Variants in RIPOR3 observed in about 807,000 individuals in gnomAD.
The protein encoded by RIPOR3 is RIPOR family member 3, also known as family with sequence similarity 65 member C.
Under a neutral mutation model 114.3 loss-of-function variants are expected in RIPOR3, and 95 were observed. That is an observed-to-expected ratio of 0.83 (90% CI 0.70 to 0.99). The LOEUF (loss-of-function observed/expected upper bound fraction) is 0.99. RIPOR3 is among the 50% of genes least tolerant of loss of function. The pLI is 0.00. For synonymous variants in RIPOR3, 575 were observed against 543.8 expected (o/e 1.06, Z -0.80); for missense variants, 1,252 against 1,266.9 (o/e 0.99, Z 0.18).
At position 50,681,405 on chromosome 20, in the gene RIPOR3, C is replaced by G. The variant is rs184010644; in HGVS notation, c.3+9721G>C. On this transcript the variant is annotated intron_variant, in intron 1 of 21. Coordinates refer to ENST00000327979, the MANE Select transcript of RIPOR3 (RefSeq NM_001290268.2). ...GGTGGTAGGGGATCCAGGGTTTGAA[C>G]CCAAGTCTGTAGGACTGAGGAGTTT... 2.0e-5 allele frequency among the ~76,000 whole-genome samples: 3 copies of G among 152,142 alleles called. No homozygotes were observed. The East Asian group carries it at 5.8e-4, about 29-fold the overall frequency.
chr20:50,631,330 T>C (rs959976148), intron 1 of RIPOR3, among the ~76,000 whole-genome samples: 1 of 152,138 alleles, frequency 6.6e-6, no homozygotes, highest in Non-Finnish European at 1.5e-5. Context: ...GCTGGAGTTA[T>C]GGGGGTCCCA....
chr20:50,597,633 A>C lies in RIPOR3; in HGVS notation c.1737T>G (p.Asn579Lys), dbSNP rs1262971236. The C allele has an allele frequency of 1.2e-6, 2 of 1,612,376 alleles. No homozygotes were observed. The highest frequency in any genetic ancestry group is 2.2e-5 in the South Asian group (2 of 90,662). Residue 579 changes from asparagine to lysine, a missense_variant, in exon 14 of 22, where the codon AAT (asparagine) becomes AAG (lysine). By Grantham distance (94) the Asn-to-Lys change is moderately conservative. Transcript: ENST00000327979. The stretch of plus-strand genomic sequence containing the variant: ...ACAGCTCATCCAGGGCGAAGTCGGC[A>C]TTGAGGAAGGCGAAGCTCTCCAGGA... ...ECILESFAFL[N>K]ADFALDELSL... is the part of the protein sequence containing the mutation.
rs34994340 is a variant in RIPOR3 at position 50,643,124 on chromosome 20, C to CTT, written c.4-12270_4-12269dup. 3.7e-4 allele frequency among the ~76,000 whole-genome samples: 52 copies of CTT among 139,444 alleles called. 1 individual carries two copies. Among genetic ancestry groups the CTT allele is most frequent in the African/African-American group, 6.5e-4 (25 of 38,174 alleles). 91.5% of individuals were successfully genotyped at this position (139,444 alleles called of 152,430 possible). On this transcript the variant is annotated intron_variant, in intron 1 of 21. Coordinates refer to ENST00000327979, the MANE Select transcript of RIPOR3 (RefSeq NM_001290268.2). ...GTGGCTCAAGCCTGTAATCTCAGCA[C>CTT]TTTTTTTTTTTTTTTTGAGATGGAG...
At chr20:50,690,639 G>A (rs2087180113) in intron 1 of RIPOR3, among the ~76,000 whole-genome samples, 1 of 152,140 alleles carries the variant, frequency 6.6e-6, no homozygotes, top group Admixed American at 6.5e-5. Flanking sequence ...GCCAAAGCAA[G>A]TCAGAAAAAC....
chr20:50,688,014 C>T (rs1365447389), intron 1 of RIPOR3, among the ~76,000 whole-genome samples: 1 of 151,642 alleles, frequency 6.6e-6, no homozygotes, highest in Non-Finnish European at 1.5e-5. Context: ...TCATTTCACT[C>T]ACAGGTAGCA....
At chr20:50,610,986 C>T (rs2083956155) in intron 5 of RIPOR3, 80 bp from the exon 6 acceptor site, 1 of 1,060,930 alleles carries the variant, frequency 9.4e-7, no homozygotes, top group Non-Finnish European at 1.3e-6. Flanking sequence ...CACCCTCCTA[C>T]AGGTCCTAAC....
intron 15 of RIPOR3, 122 bp from the exon 16 acceptor site, chr20:50,595,626 G>GTCA: frequency 7.4e-7 from 1 of 1,342,444 alleles, no homozygotes; most frequent in Non-Finnish European, 1.0e-6. Context: ...CTCCCTGACT[G>GTCA]TCATTTGGGG....
At chr20:50,686,520 G>A (rs538257485) in intron 1 of RIPOR3, among the ~76,000 whole-genome samples, 214 of 152,066 alleles carry the variant, frequency 1.4e-3, no homozygotes, top group Non-Finnish European at 1.2e-3. Flanking sequence ...AGGCCTACGC[G>A]GGTAGATCAC....
Position 50,610,869 on chromosome 20 carries a change from T to G in RIPOR3, c.410A>C (p.Glu137Ala). Residue 137 changes from glutamate to alanine, a missense_variant, in exon 6 of 22, where the codon GAG (glutamate) becomes GCG (alanine). Coordinates refer to ENST00000327979, the MANE Select transcript of RIPOR3 (RefSeq NM_001290268.2). ...CCAGCTGACCTTGCTGATGTGAAAC[T>G]CCATCTTCCGAATGTGCCTTTCCAC... is the stretch of plus-strand genomic sequence containing the variant. ...RCVERHIRKM[E>A]FHISKVDELY... The G allele has an allele frequency of 6.2e-7, 1 of 1,614,146 alleles. No individual in the cohort carries two copies.
At chr20:50,590,065 A>C (rs2083061598) in intron 19 of RIPOR3, 1 of 318,496 alleles carries the variant, frequency 3.1e-6, no homozygotes, top group Non-Finnish European at 6.2e-6. Context: ...TAAAATGCTG[A>C]ATCAGAGAAA....
chr20:50,598,020 C>T (rs920072512), intron 13 of RIPOR3, among the ~76,000 whole-genome samples: 1 of 152,200 alleles, frequency 6.6e-6, no homozygotes, highest in Admixed American at 6.5e-5. Flanking sequence ...AGTGAGCTGC[C>T]CCAGCGGGGA....
chr20:50,596,050 A>G (rs1450552801), intron 15 of RIPOR3, 90 bp downstream of exon 15: 10 of 1,566,950 alleles, frequency 6.4e-6, no homozygotes, highest in Non-Finnish European at 8.7e-6. Flanking sequence ...TCACCCCTTC[A>G]TGCTTCCCAC....
chr20:50,663,787 C>CA (rs1424466822), intron 1 of RIPOR3, among the ~76,000 whole-genome samples: 1 of 152,222 alleles, frequency 6.6e-6, no homozygotes, highest in Non-Finnish European at 1.5e-5. Flanking sequence ...CCATCCAAGA[C>CA]AACCCTGATC....
chr20:50,690,164 C>A (rs926895775), intron 1 of RIPOR3, among the ~76,000 whole-genome samples: 5 of 152,248 alleles, frequency 3.3e-5, no homozygotes, highest in African/African-American at 1.2e-4. Flanking sequence ...ATGCGTTTCA[C>A]AATTCTGTTT....
chr20:50,644,863 G>C (rs2085348248), intron 1 of RIPOR3, among the ~76,000 whole-genome samples: 1 of 145,560 alleles, frequency 6.9e-6, no homozygotes, highest in Non-Finnish European at 1.5e-5. Flanking sequence ...TTTTGAGACG[G>C]AGTTTCGCTC....
rs2122896447 is a variant in RIPOR3 at position 50,594,977 on chromosome 20, CCTT to C, written c.2051-266_2051-264del. 7.8e-6 allele frequency: 4 copies of C among 514,244 alleles called. No individual in the cohort carries two copies. In the East Asian group the frequency reaches 1.3e-4, roughly 16 times the overall value. 31.9% of individuals were successfully genotyped at this position (514,244 alleles called of 1,614,324 possible). On this transcript the variant is annotated intron_variant, in intron 16 of 21. Coordinates refer to ENST00000327979, the MANE Select transcript of RIPOR3 (RefSeq NM_001290268.2). ...CTCTCCTTACAGACAAGGAACCTGG[CCTT>C]CTGAGGGGAGGTCCCACGGGGCAGA...
At chr20:50,645,957 A>C (rs891033576) in intron 1 of RIPOR3, 2 of 152,192 alleles carry the variant, frequency 1.3e-5, no homozygotes, top group Non-Finnish European at 2.9e-5. Flanking sequence ...TGAAATATGC[A>C]GTTTCTTTTT....
At chr20:50,686,117 C>T (rs2087012683) in intron 1 of RIPOR3, among the ~76,000 whole-genome samples, 1 of 151,914 alleles carries the variant, frequency 6.6e-6, no homozygotes, top group Non-Finnish European at 1.5e-5. Context: ...AGTGCAGTGG[C>T]GCAATCTCGG....
chr20:50,677,299 C>T (rs1362780889), intron 1 of RIPOR3, among the ~76,000 whole-genome samples: 4 of 151,506 alleles, frequency 2.6e-5, no homozygotes, highest in Non-Finnish European at 4.4e-5. Context: ...ATTTGCATTA[C>T]GTCTCTGAGA....
Sources: gnomAD v4.1 joint callset for allele counts (sites outside exome capture counted in the v4.1 genomes callset) on GRCh38, gnomAD v4.1.1 for gene constraint, MANE v1.5 for transcripts, NCBI Gene and HGNC (gene_info 2026-07-23, HGNC 2026-07-21) for gene names.